The following MLLT10 variants were observed in gnomAD, a reference collection of about 807,000 sequenced individuals.
The protein encoded by MLLT10 is MLLT10 histone lysine methyltransferase DOT1L cofactor, also known as protein AF-10.
MLLT10 carries 30 observed loss-of-function variants against 129.1 expected under a neutral mutation model. The observed-to-expected ratio is 0.23, with a 90% CI of 0.17 to 0.32. The LOEUF is 0.32. MLLT10 is among the 10% of genes least tolerant of loss of function. The probability of loss-of-function intolerance (pLI) is 1.00; values close to 1 mark genes in which losing one functional copy is unlikely to be tolerated. For missense variants in MLLT10, 1,119 were observed against 1,268.3 expected (o/e 0.88, Z 1.79); for synonymous variants, 490 against 446.4 (o/e 1.10, Z -1.23).
chr10:21,724,673 T>A (rs756572565), intron 14 of MLLT10, among the ~76,000 whole-genome samples: 1 of 152,220 alleles, frequency 6.6e-6, no homozygotes, highest in Non-Finnish European at 1.5e-5. Flanking sequence ...GAGTCTTCTG[T>A]GAGTAACAGC....
At chr10:21,699,325 C>T (rs1020594737) in intron 13 of MLLT10, among the ~76,000 whole-genome samples, 1 of 151,152 alleles carries the variant, frequency 6.6e-6, no homozygotes, top group African/African-American at 2.4e-5. Context: ...GATATTTTCT[C>T]CTATTCAACA....
At chr10:21,653,949 C>T (rs967958436) in intron 9 of MLLT10, among the ~76,000 whole-genome samples, 32 of 152,112 alleles carry the variant, frequency 2.1e-4, no homozygotes, top group African/African-American at 7.5e-4. Flanking sequence ...CCTCCTGTGT[C>T]GAAAGATCTG....
chr10:21,715,118 C>G (rs1395719928), intron 14 of MLLT10, among the ~76,000 whole-genome samples: 1 of 152,180 alleles, frequency 6.6e-6, no homozygotes, highest in African/African-American at 2.4e-5. Flanking sequence ...TTCCTGTCAA[C>G]TTGAGCTTTA....
At position 21,734,008 on chromosome 10, in the gene MLLT10, G is replaced by C. The variant is rs2058150964; in HGVS notation, c.2737G>C (p.Val913Leu). 1 of 1,614,096 alleles carries C rather than the reference G, an allele frequency of 6.2e-7. No homozygotes were observed. The highest frequency in any genetic ancestry group is 1.3e-5 in the African/African-American group (1 of 74,946). Residue 913 changes from valine to leucine, a missense_variant, in exon 20 of 23, where the codon GTA (valine) becomes CTA (leucine). By Grantham distance (32) the Val-to-Leu change is conservative. Around this residue, in one of 5 missense-constraint regions of MLLT10, gnomAD observed 1,004 missense variants for 1,008.7 expected, o/e 1.00. Coordinates refer to ENST00000307729, the MANE Select transcript of MLLT10 (RefSeq NM_001195626.3). Reference protein sequence around the residue: ...PGNQLAINGIVGALNGVMQTP... With the variant: ...PGNQLAINGILGALNGVMQTP... ...TAACCAACTGGCAATTAATGGCATTGTAGGAGCTTTAAATGGGGTTATGCA... is the reference window on the plus strand; with the variant it reads ...TAACCAACTGGCAATTAATGGCATTCTAGGAGCTTTAAATGGGGTTATGCA...
At chr10:21,631,401 A>G (rs2047001135) in intron 8 of MLLT10, among the ~76,000 whole-genome samples, 1 of 151,916 alleles carries the variant, frequency 6.6e-6, no homozygotes, top group African/African-American at 2.4e-5. Flanking sequence ...CTGGAATTTA[A>G]GATGAACTAT....
chr10:21,743,384 GATTTA>G lies in MLLT10; in HGVS notation c.*1405_*1409del, dbSNP rs1289829494. ...TGATTTGTAATATTTCTAATTGGTA[GATTTA>G]ATTGAAAAGTAAAATTAATTTATTT... On this transcript the variant is annotated 3_prime_UTR_variant, in exon 23 of 23. Coordinates refer to ENST00000307729, the MANE Select transcript of MLLT10 (RefSeq NM_001195626.3). 2 of 207,704 alleles carry G rather than the reference GATTTA, an allele frequency of 9.6e-6. No homozygotes were observed. The highest frequency in any genetic ancestry group is 4.6e-5 in the African/African-American group (2 of 43,866). 12.9% of individuals were successfully genotyped at this position (207,704 alleles called of 1,614,324 possible).
At chr10:21,732,826 A>G in intron 17 of MLLT10, 73 bp from the exon 18 acceptor site, 3 of 1,192,594 alleles carry the variant, frequency 2.5e-6, no homozygotes, top group Non-Finnish European at 3.5e-6. Flanking sequence ...TTCTAAGGTT[A>G]CCGGCACTGC....
chr10:21,576,995 C>T (rs773603407), intron 3 of MLLT10, among the ~76,000 whole-genome samples: 7 of 152,176 alleles, frequency 4.6e-5, no homozygotes, highest in Non-Finnish European at 7.3e-5. Flanking sequence ...TGTATCCCCT[C>T]AAGAAGAAGC....
intron 5 of MLLT10, among the ~76,000 whole-genome samples, chr10:21,608,438 A>G (rs1333806289): frequency 6.6e-6 from 1 of 151,964 alleles, no homozygotes; most frequent in African/African-American, 2.4e-5. Context: ...CAGCCTCTCA[A>G]AGTGTTGGGA....
intron 8 of MLLT10, among the ~76,000 whole-genome samples, chr10:21,632,562 G>A (rs1465757206): frequency 6.6e-6 from 1 of 152,118 alleles, no homozygotes; most frequent in Non-Finnish European, 1.5e-5. Context: ...TACTCAATTC[G>A]AGACACCATG....
intron 20 of MLLT10, among the ~76,000 whole-genome samples, chr10:21,734,936 T>G (rs1402623931): frequency 6.6e-6 from 1 of 152,250 alleles, no homozygotes; most frequent in Admixed American, 6.5e-5. Flanking sequence ...CTTGACAATG[T>G]GAATTCTTGT....
At chr10:21,603,139 T>C (rs1589177744) in intron 5 of MLLT10, among the ~76,000 whole-genome samples, 1 of 144,270 alleles carries the variant, frequency 6.9e-6, no homozygotes, top group African/African-American at 2.6e-5. Flanking sequence ...TGCAACCTCC[T>C]CCTCCCGAGT....
chr10:21,734,086 C>T lies in MLLT10; in HGVS notation c.2815C>T (p.Pro939Ser). 3.1e-6 allele frequency: 5 copies of T among 1,613,170 alleles called. No homozygotes were observed. Among genetic ancestry groups the T allele is most frequent in the Non-Finnish European group, 4.2e-6 (5 of 1,179,406 alleles). The part of the protein sequence containing the change: ...NPTPLTHTTV[P>S]PNATHPMPAT... ...TACCCCTCTCACCCACACAACCGTA[C>T]CACCTAATGCAACACATCCAATGCC... Residue 939 changes from proline to serine, a missense_variant, in exon 20 of 23, where the codon CCA becomes TCA. Coordinates refer to ENST00000307729, the MANE Select transcript of MLLT10 (RefSeq NM_001195626.3).
In MLLT10 at chr10:21,624,825, CCA is replaced by C. The variant is rs1320026798; in HGVS notation, c.699+7620_699+7621del. On this transcript the variant is annotated intron_variant, in intron 8 of 22. Transcript: ENST00000307729. ...GCCCTGAGATCCACGGGAACCACGGCCACGGCCTCTCTGCTGTTGTGCAGGAC... is the reference window on the plus strand; with the variant it reads ...GCCCTGAGATCCACGGGAACCACGGCCGGCCTCTCTGCTGTTGTGCAGGAC... The C allele has an allele frequency of 1.0e-5, 11 of 1,073,696 alleles. No individual in the cohort carries two copies. In the Admixed American group the frequency reaches 2.1e-4, roughly 21 times the overall value. The allele number at this position is 1,073,696 out of a possible 1,614,324, so 66.5% of individuals were successfully genotyped here.
In MLLT10 at chr10:21,726,260, G is replaced by A; in HGVS notation, c.1895G>A (p.Gly632Glu). ...TCCATTTAGGCAAATACTCTATCTGGATCTTCTCTCAGTCAGGCACCATCT... is the reference window on the plus strand; with the variant it reads ...TCCATTTAGGCAAATACTCTATCTGAATCTTCTCTCAGTCAGGCACCATCT... ...VATTQANTLS[G>E]SSLSQAPSHM... The change falls in exon 15 of 23, where the codon GGA becomes GAA. Residue 632 changes from glycine to glutamate, a missense_variant. By Grantham distance (98) the Gly-to-Glu change is moderately conservative (BLOSUM62 -2). Transcript: ENST00000307729. 6.2e-7 allele frequency: 1 copy of A among 1,609,074 alleles called. No homozygotes were observed. Among genetic ancestry groups the A allele is most frequent in the South Asian group, 1.1e-5 (1 of 90,572 alleles).
At chr10:21,727,954 A>G (rs1340337485) in intron 16 of MLLT10, 26 bp downstream of exon 16, 7 of 1,603,414 alleles carry the variant, frequency 4.4e-6, no homozygotes, top group African/African-American at 1.3e-5. Flanking sequence ...ACTGCAAAGT[A>G]TAGGCAAAGG....
At chr10:21,568,629 T>TCATTTCATTTC (rs2039858354) in intron 3 of MLLT10, among the ~76,000 whole-genome samples, 1 of 152,220 alleles carries the variant, frequency 6.6e-6, no homozygotes, top group African/African-American at 2.4e-5. Context: ...TATTTTATTT[T>TCATTTCATTTC]ATTTCATTTC....
chr10:21,579,668 T>C (rs1017811405), intron 3 of MLLT10, among the ~76,000 whole-genome samples: 39 of 151,882 alleles, frequency 2.6e-4, no homozygotes, highest in Non-Finnish European at 8.8e-5. Context: ...GTTCAAGTGA[T>C]TCTCCTGCCT....
At chr10:21,541,453 T>G (rs2035143782) in intron 3 of MLLT10, 1 of 152,200 alleles carries the variant, frequency 6.6e-6, no homozygotes, top group Admixed American at 6.6e-5. Flanking sequence ...TAGCGCCATC[T>G]CCGCTCACTG....
Sources: gnomAD v4.1 joint callset for allele counts (sites outside exome capture counted in the v4.1 genomes callset) on GRCh38, gnomAD v4.1.1 for gene constraint, gnomAD v4.1.1 regional missense constraint, MANE v1.5 for transcripts, NCBI Gene and HGNC (gene_info 2026-07-23, HGNC 2026-07-21) for gene names.